CELF4: variants seen among roughly 807,000 people sequenced by gnomAD.
CELF4 encodes the protein CUGBP Elav-like family member 4, also known as CUG-BP- and ETR-3-like factor 4.
In CELF4, 18 loss-of-function variants were observed where a neutral mutation model predicts 59.9. The observed-to-expected ratio is 0.30, with a 90% CI of 0.21 to 0.45. The LOEUF is 0.45. Ranked by LOEUF, CELF4 falls within the 20% of genes least tolerant of loss-of-function variation. The pLI is 1.00. For synonymous variants in CELF4, 261 were observed against 267.1 expected (o/e 0.98, Z 0.22); for missense variants, 456 against 689.0 (o/e 0.66, Z 3.79).
intron 2 of CELF4, among the ~76,000 whole-genome samples, chr18:37,396,675 G>A (rs1435586453): frequency 1.3e-5 from 2 of 152,310 alleles, no homozygotes; most frequent in South Asian, 2.1e-4. Flanking sequence ...GCATGGATGA[G>A]GCGGGTGACT....
chr18:37,354,385 G>T (rs910636187), intron 2 of CELF4, among the ~76,000 whole-genome samples: 3 of 152,106 alleles, frequency 2.0e-5, no homozygotes, highest in Non-Finnish European at 4.4e-5. Context: ...TGATTGTGGG[G>T]ACTGGTGGGG....
chr18:37,404,929 C>A (rs1186897312), intron 2 of CELF4, among the ~76,000 whole-genome samples: 1 of 152,204 alleles, frequency 6.6e-6, no homozygotes, highest in East Asian at 1.9e-4. Flanking sequence ...TTCTGTCCCA[C>A]CCTCTAAAAT....
At chr18:37,282,851 A>G (rs2094315997) in intron 3 of CELF4, among the ~76,000 whole-genome samples, 1 of 152,106 alleles carries the variant, frequency 6.6e-6, no homozygotes, top group Admixed American at 6.5e-5. Context: ...AGCCTGAGCC[A>G]GTGGAGAGCT....
At chr18:37,505,938 C>T (rs1278184506) in intron 1 of CELF4, among the ~76,000 whole-genome samples, 7 of 151,976 alleles carry the variant, frequency 4.6e-5, no homozygotes, top group South Asian at 2.1e-4. Context: ...CCATGAGGCA[C>T]GTCTTTTCCA....
intron 3 of CELF4, among the ~76,000 whole-genome samples, chr18:37,290,287 A>T (rs1419806183): frequency 6.6e-6 from 1 of 152,208 alleles, no homozygotes; most frequent in African/African-American, 2.4e-5. Flanking sequence ...TGCTGGCTGC[A>T]TCAGAAAGCT....
chr18:37,538,763 A>AT (rs1439387683), intron 1 of CELF4, among the ~76,000 whole-genome samples: 4 of 152,178 alleles, frequency 2.6e-5, no homozygotes, highest in Non-Finnish European at 5.9e-5. Flanking sequence ...CAATTCTGAC[A>AT]TTGTGGAGCA....
intron 1 of CELF4, among the ~76,000 whole-genome samples, chr18:37,490,917 G>A (rs905543420): frequency 6.6e-6 from 1 of 152,154 alleles, no homozygotes; most frequent in African/African-American, 2.4e-5. Flanking sequence ...TCTACCACCC[G>A]TTAGGGGTCA....
chr18:37,450,305 C>T (rs1165424915), intron 2 of CELF4, among the ~76,000 whole-genome samples: 1 of 151,572 alleles, frequency 6.6e-6, no homozygotes, highest in African/African-American at 2.4e-5. Context: ...GAAAAAAACG[C>T]GTTCTCTCTC....
intron 2 of CELF4, among the ~76,000 whole-genome samples, chr18:37,462,617 C>G (rs1469316831): frequency 6.6e-6 from 1 of 152,138 alleles, no homozygotes; most frequent in Admixed American, 6.5e-5. Context: ...GAAGTGAGAG[C>G]TGGGGCCCTC....
intron 9 of CELF4, among the ~76,000 whole-genome samples, chr18:37,265,338 G>A (rs1258444097): frequency 1.3e-5 from 2 of 152,174 alleles, no homozygotes; most frequent in Non-Finnish European, 2.9e-5. Context: ...ATTTCAAATA[G>A]TGGATGAACC....
chr18:37,522,727 C>T (rs899402283), intron 1 of CELF4, among the ~76,000 whole-genome samples: 15 of 152,134 alleles, frequency 9.9e-5, no homozygotes, highest in African/African-American at 3.1e-4. Flanking sequence ...CAGCAGAGCC[C>T]GCTGGAGGCC....
intron 3 of CELF4, among the ~76,000 whole-genome samples, chr18:37,288,769 T>C (rs1190571829): frequency 6.6e-6 from 1 of 152,136 alleles, no homozygotes; most frequent in East Asian, 1.9e-4. Flanking sequence ...GAGAGTTTGC[T>C]TTCCTGAGAG....
chr18:37,429,710 T>C (rs1373838841), intron 2 of CELF4, among the ~76,000 whole-genome samples: 1 of 152,170 alleles, frequency 6.6e-6, no homozygotes, highest in Non-Finnish European at 1.5e-5. Context: ...ACCCACTCCA[T>C]TTAAAAAATG....
chr18:37,277,999 C>T (rs1442279168), intron 3 of CELF4, among the ~76,000 whole-genome samples: 1 of 152,206 alleles, frequency 6.6e-6, no homozygotes, highest in Non-Finnish European at 1.5e-5. Flanking sequence ...GAATGCATTC[C>T]TTTATTATTG....
chr18:37,309,147 C>T (rs2096554901), intron 3 of CELF4, among the ~76,000 whole-genome samples: 1 of 152,202 alleles, frequency 6.6e-6, no homozygotes, highest in Non-Finnish European at 1.5e-5. Flanking sequence ...CCATCCTCAT[C>T]CTTAATGGAT....
At chr18:37,434,830 C>T (rs1450104044) in intron 2 of CELF4, among the ~76,000 whole-genome samples, 1 of 152,166 alleles carries the variant, frequency 6.6e-6, no homozygotes, top group Non-Finnish European at 1.5e-5. Context: ...GTTTGATTTG[C>T]GATGTTGCTC....
At chr18:37,550,653 G>A (rs903265847) in intron 1 of CELF4, among the ~76,000 whole-genome samples, 5 of 152,364 alleles carry the variant, frequency 3.3e-5, no homozygotes, top group East Asian at 1.9e-4. Context: ...AGATCAGCCC[G>A]TCCGCTGGCT....
intron 2 of CELF4, among the ~76,000 whole-genome samples, chr18:37,482,545 C>T (rs1275973315): frequency 6.6e-6 from 1 of 152,202 alleles, no homozygotes; most frequent in Non-Finnish European, 1.5e-5. Flanking sequence ...GGGCCCTGCT[C>T]AGGCTGGTTC....
intron 2 of CELF4, among the ~76,000 whole-genome samples, chr18:37,462,564 G>A (rs1365731454): frequency 6.6e-6 from 1 of 152,212 alleles, no homozygotes; most frequent in African/African-American, 2.4e-5. Context: ...CAGCATCCAT[G>A]AGTCGCTGTT....
Sources: allele counts gnomAD v4.1 joint callset (sites outside exome capture counted in the v4.1 genomes callset), GRCh38; gene constraint gnomAD v4.1.1; transcripts MANE v1.5; gene names NCBI Gene and HGNC (gene_info 2026-07-23, HGNC 2026-07-21).